The following OSBPL6 variants were observed in gnomAD, a reference collection of about 807,000 sequenced individuals.
The protein encoded by OSBPL6 is oxysterol-binding protein-related protein 6.
In OSBPL6, 49 loss-of-function variants were observed where a neutral mutation model predicts 125.8. That is an observed-to-expected ratio of 0.39 (90% confidence interval 0.31 to 0.49). The LOEUF (loss-of-function observed/expected upper bound fraction) is 0.49, where lower values mean the gene tolerates loss of function less well. Ranked by LOEUF, OSBPL6 falls within the 20% of genes least tolerant of loss-of-function variation. The pLI is 0.88. For synonymous variants in OSBPL6, 394 were observed against 391.8 expected, an observed-to-expected ratio of 1.01 and a Z score of -0.07; for missense variants, 986 against 1,135.4, an observed-to-expected ratio of 0.87 and a Z score of 1.89.
chr2:178,198,248 C>G (rs1220598813), intron 1 of OSBPL6, among the ~76,000 whole-genome samples: 1 of 151,836 alleles, frequency 6.6e-6, no homozygotes, highest in Non-Finnish European at 1.5e-5. Flanking sequence ...AGAGGAGAGT[C>G]AAAGGTATTT....
At chr2:178,347,230 T>C (rs1297166021) in intron 11 of OSBPL6, among the ~76,000 whole-genome samples, 2 of 152,128 alleles carry the variant, frequency 1.3e-5, no homozygotes, top group Non-Finnish European at 2.9e-5. Context: ...CCTCACCCGC[T>C]AGAGGAAGAG....
intron 1 of OSBPL6, among the ~76,000 whole-genome samples, chr2:178,214,507 C>T (rs1230396145): frequency 6.6e-6 from 1 of 152,220 alleles, no homozygotes; most frequent in Non-Finnish European, 1.5e-5. Flanking sequence ...AATTCTCTGG[C>T]ACAGGGTGGG....
In OSBPL6 at chr2:178,373,941, G is replaced by C. The variant is rs753353816; in HGVS notation, c.1447G>C (p.Glu483Gln). Residue 483 changes from glutamate to glutamine, a missense_variant, in exon 15 of 25, where the codon GAG becomes CAG. By Grantham distance (29) the Glu-to-Gln change is conservative. Transcript: ENST00000190611. ...CCCCTTATCACAGCAAGTAGCCAATGAGAGCCGCCTCTCCATGTCAGAGTC... is the reference window on the plus strand; with the variant it reads ...CCCCTTATCACAGCAAGTAGCCAATCAGAGCCGCCTCTCCATGTCAGAGTC... The part of the protein sequence containing the change: ...SLPLSQQVAN[E>Q]SRLSMSESVS... 31 of 1,614,136 alleles carry C rather than the reference G, an allele frequency of 1.9e-5. No individual in the cohort carries two copies. Among genetic ancestry groups the C allele is most frequent in the Non-Finnish European group, 2.5e-5 (30 of 1,179,984 alleles).
In OSBPL6 at chr2:178,266,594, A is replaced by C. The variant is rs377372431; in HGVS notation, c.-350-18333A>C. ...TGGTACTCAGTTGCTCGGATCCTGC[A>C]GGTCAGCAGGAACATGAACACAAAG... On this transcript the variant is annotated intron_variant, in intron 1 of 24. Transcript: ENST00000190611. Among the ~76,000 whole-genome samples, 99 of 152,330 alleles carry C rather than the reference A, an allele frequency of 6.5e-4. 5 individuals are homozygous for C. The South Asian group carries it at 0.021, about 32-fold the overall frequency.
In OSBPL6 at chr2:178,327,989, T is replaced by C. The variant is rs533888601; in HGVS notation, c.196-267T>C. On this transcript the variant is annotated intron_variant, in intron 4 of 24. Coordinates refer to ENST00000190611, the MANE Select transcript of OSBPL6 (RefSeq NM_032523.4). Reference sequence around the variant, plus strand: ...AACATTCTGAGTACAGGCAATCGAATTTCCATCCTACCCCAAACAGACAAG... The same window carrying C: ...AACATTCTGAGTACAGGCAATCGAACTTCCATCCTACCCCAAACAGACAAG... 3.3e-5 allele frequency among the ~76,000 whole-genome samples: 5 copies of C among 152,304 alleles called. No individual in the cohort carries two copies. In the South Asian group the frequency reaches 1.0e-3, roughly 32 times the overall value.
At chr2:178,360,484 T>G (rs1350984362) in intron 12 of OSBPL6, among the ~76,000 whole-genome samples, 2 of 152,184 alleles carry the variant, frequency 1.3e-5, no homozygotes, top group Non-Finnish European at 2.9e-5. Flanking sequence ...ATTAAATATA[T>G]ACACAATAAA....
At chr2:178,253,785 T>C (rs1014073154) in intron 1 of OSBPL6, among the ~76,000 whole-genome samples, 6 of 152,178 alleles carry the variant, frequency 3.9e-5, no homozygotes, top group Non-Finnish European at 8.8e-5. Context: ...TGCTAGGGAT[T>C]GAATGTTTGA....
chr2:178,377,830 T>G (rs1377791024), intron 15 of OSBPL6, among the ~76,000 whole-genome samples: 1 of 151,892 alleles, frequency 6.6e-6, no homozygotes, highest in Non-Finnish European at 1.5e-5. Flanking sequence ...CCTTTTGGGG[T>G]TTTTCTATTT....
At chr2:178,245,887 T>A (rs2091469857) in intron 1 of OSBPL6, among the ~76,000 whole-genome samples, 1 of 152,098 alleles carries the variant, frequency 6.6e-6, no homozygotes, top group Admixed American at 6.5e-5. Context: ...CCATAGTACA[T>A]CCTATAGGAA....
chr2:178,400,721 C>A lies in OSBPL6; in HGVS notation c.*5162C>A, dbSNP rs1696080638. The A allele has an allele frequency of 6.6e-6, 1 of 152,174 alleles. No individual in the cohort carries two copies. The highest frequency in any genetic ancestry group is 2.4e-5 in the African/African-American group (1 of 41,430). 9.4% of individuals were successfully genotyped at this position (152,174 alleles called of 1,614,324 possible). On this transcript the variant is annotated 3_prime_UTR_variant, in exon 25 of 25. Transcript: ENST00000190611. ...AAAATAGTGAACATATCTATCATCC[C>A]CAAAAGTTTCCCCTGCCCCTTTGTA...
chr2:178,325,260 C>T (rs939638274), intron 4 of OSBPL6, among the ~76,000 whole-genome samples: 5 of 152,230 alleles, frequency 3.3e-5, no homozygotes, highest in Admixed American at 1.3e-4. Flanking sequence ...TACCCAAAGA[C>T]GGTTAACTTC....
intron 23 of OSBPL6, 56 bp from the exon 24 acceptor site, chr2:178,394,257 T>C: frequency 1.9e-6 from 3 of 1,587,376 alleles, no homozygotes; most frequent in Non-Finnish European, 2.6e-6. Flanking sequence ...AAATGAGGTT[T>C]TTTTTCCCCC....
At chr2:178,378,891 C>T (rs1319021281) in intron 15 of OSBPL6, among the ~76,000 whole-genome samples, 1 of 152,160 alleles carries the variant, frequency 6.6e-6, no homozygotes, top group African/African-American at 2.4e-5. Context: ...GAAGGCCAGG[C>T]ATGGTGGCTC....
intron 13 of OSBPL6, among the ~76,000 whole-genome samples, chr2:178,369,972 C>G (rs1381829102): frequency 6.6e-6 from 1 of 152,076 alleles, no homozygotes; most frequent in East Asian, 1.9e-4. Context: ...CAGGTCAAGA[C>G]TGTGATTCTG....
At chr2:178,381,512 C>T (rs181593522) in intron 15 of OSBPL6, among the ~76,000 whole-genome samples, 1 of 152,270 alleles carries the variant, frequency 6.6e-6, no homozygotes, top group East Asian at 1.9e-4. Flanking sequence ...TGCCACCACA[C>T]CCGGCTAATT....
chr2:178,204,868 T>C (rs1004533055), intron 1 of OSBPL6, among the ~76,000 whole-genome samples: 2 of 152,222 alleles, frequency 1.3e-5, no homozygotes, highest in Non-Finnish European at 2.9e-5. Context: ...ATTCATTGAC[T>C]GATTCCTTTT....
intron 1 of OSBPL6, among the ~76,000 whole-genome samples, chr2:178,211,381 A>C (rs1304603030): frequency 1.3e-5 from 2 of 152,208 alleles, no homozygotes; most frequent in South Asian, 2.1e-4. Context: ...CCTGACTTTC[A>C]ATATGGTTTC....
intron 13 of OSBPL6, among the ~76,000 whole-genome samples, chr2:178,368,192 A>T (rs1379722809): frequency 1.3e-5 from 2 of 152,318 alleles, no homozygotes; most frequent in East Asian, 3.9e-4. Context: ...CCTAAGCACT[A>T]CCTGAGAGCA....
intron 15 of OSBPL6, among the ~76,000 whole-genome samples, chr2:178,376,804 G>A (rs924637156): frequency 1.3e-5 from 2 of 152,280 alleles, no homozygotes; most frequent in African/African-American, 2.4e-5. Context: ...GTCCCTTGCT[G>A]TAGCAAGGAG....
Sources: allele counts gnomAD v4.1 joint callset (sites outside exome capture counted in the v4.1 genomes callset), GRCh38; gene constraint gnomAD v4.1.1; transcripts MANE v1.5; gene names NCBI Gene and HGNC (gene_info 2026-07-23, HGNC 2026-07-21).